PCDH10: variants seen among roughly 807,000 people sequenced by gnomAD.
PCDH10 encodes protocadherin-10.
In PCDH10, 15 loss-of-function variants were observed where a neutral mutation model predicts 74.4. That is an observed-to-expected ratio of 0.20 (90% confidence interval 0.13 to 0.31). PCDH10 has a LOEUF of 0.31. PCDH10 is among the 10% of genes least tolerant of loss of function. The pLI is 1.00. For missense variants in PCDH10, 1,260 were observed against 1,390.2 expected, an observed-to-expected ratio of 0.91 and a Z score of 1.49; for synonymous variants, 619 against 589.8, an observed-to-expected ratio of 1.05 and a Z score of -0.72.
Position 133,150,476 on chromosome 4 carries a change from G to T in PCDH10, c.336G>T (p.Val112=). 1 of 1,613,808 alleles carries T rather than the reference G, an allele frequency of 6.2e-7. No homozygotes were observed. The highest frequency in any genetic ancestry group is 8.5e-7 in the Non-Finnish European group (1 of 1,179,954). ...AGCTGTTCCAGGTGGAGATCGAGGT[G>T]CTGGACATTAATGACAACCCCCCCT... ...PLELFQVEIE[V]LDINDNPPSF... is the part of the protein sequence containing the mutation. Residue 112 remains valine (V), a synonymous_variant, in exon 1 of 5, where the codon GTG becomes GTT. Coordinates refer to ENST00000264360, the MANE Select transcript of PCDH10 (RefSeq NM_032961.3).
intron 4 of PCDH10, among the ~76,000 whole-genome samples, chr4:133,165,989 C>T (rs1046350498): frequency 6.6e-6 from 1 of 151,604 alleles, no homozygotes; most frequent in South Asian, 2.1e-4. Flanking sequence ...TAACAAAAGA[C>T]CCATGAAGAG....
intron 1 of PCDH10, chr4:133,153,236 ATTGT>A: frequency 4.8e-6 from 5 of 1,031,270 alleles, no homozygotes; most frequent in Non-Finnish European, 5.9e-6. Flanking sequence ...TAAGCTATAG[ATTGT>A]TTAACTTTAC....
At chr4:133,161,791 C>T (rs1210849096) in intron 3 of PCDH10, among the ~76,000 whole-genome samples, 1 of 151,950 alleles carries the variant, frequency 6.6e-6, no homozygotes, top group Non-Finnish European at 1.5e-5. Context: ...TCATTCCACA[C>T]CCAGCTCCAT....
intron 4 of PCDH10, among the ~76,000 whole-genome samples, chr4:133,186,964 C>T (rs1489889880): frequency 6.6e-6 from 1 of 152,114 alleles, no homozygotes; most frequent in Non-Finnish European, 1.5e-5. Context: ...GTGATCCGCT[C>T]GCCTCAACCT....
intron 4 of PCDH10, among the ~76,000 whole-genome samples, chr4:133,173,970 C>T (rs1727245695): frequency 6.6e-6 from 1 of 151,822 alleles, no homozygotes; most frequent in African/African-American, 2.4e-5. Flanking sequence ...TAATAGCTTA[C>T]ACATTAAGCT....
chr4:133,169,632 TAAATAG>T (rs1332553679), intron 4 of PCDH10, among the ~76,000 whole-genome samples: 2 of 151,920 alleles, frequency 1.3e-5, no homozygotes, highest in African/African-American at 4.8e-5. Flanking sequence ...AATTAAAATA[TAAATAG>T]AATTATTCAA....
At chr4:133,166,756 G>A (rs1470843507) in intron 4 of PCDH10, among the ~76,000 whole-genome samples, 2 of 151,464 alleles carry the variant, frequency 1.3e-5, no homozygotes, top group Admixed American at 1.3e-4. Flanking sequence ...AAAGGCGTAA[G>A]TATGTGTTAT....
intron 4 of PCDH10, chr4:133,163,753 G>A (rs1727023063): frequency 2.9e-5 from 10 of 346,020 alleles, no homozygotes; most frequent in South Asian, 2.3e-4. Context: ...CCTACGTAAT[G>A]TTTTATTTCA....
rs1159767023 is a variant in PCDH10, at chr4:133,155,015, A to G, written c.2789A>G (p.Gln930Arg). Residue 930 changes from glutamine (Q) to arginine (R), a missense_variant, in exon 3 of 5, where the codon CAG becomes CGG. By Grantham distance (43) the Gln-to-Arg change is conservative. Transcript: ENST00000264360. ...GATCATGATGCCACCAACCGTGCCC[A>G]GTCAGCTGGTAAGTGTGATCAAAGG... ...DSDHDATNRA[Q>R]SAGMDLFSNC... The G allele has an allele frequency of 3.9e-5, 62 of 1,604,458 alleles. 2 individuals carry two copies. Among genetic ancestry groups the G allele is most frequent in the Non-Finnish European group, 5.0e-5 (59 of 1,171,292 alleles).
At chr4:133,200,023 C>T (rs1053218640) in intron 2 of PCDH10, among the ~76,000 whole-genome samples, 1 of 151,394 alleles carries the variant, frequency 6.6e-6, no homozygotes, top group African/African-American at 2.4e-5. Context: ...TGGTCTCGAT[C>T]TCCTGACCTC....
rs184345881 is a variant in PCDH10 at position 133,153,099 on chromosome 4, G to A, written c.2631+328G>A. ...AAGGGAAACTGCGTGAAGGGAGAGGGAAATGTGGAGGAGGGACTTACTTTC... is the reference window on the plus strand; with the variant it reads ...AAGGGAAACTGCGTGAAGGGAGAGGAAAATGTGGAGGAGGGACTTACTTTC... On this transcript the variant is annotated intron_variant, in intron 1 of 4. Transcript: ENST00000264360. 4.5e-6 allele frequency: 6 copies of A among 1,326,106 alleles called. No homozygotes were observed. In the East Asian group the frequency reaches 1.8e-4, roughly 40 times the overall value. 82.1% of individuals were successfully genotyped at this position (1,326,106 alleles called of 1,614,324 possible).
At chr4:133,203,997 G>A (rs1358189624) in intron 2 of PCDH10, among the ~76,000 whole-genome samples, 1 of 152,164 alleles carries the variant, frequency 6.6e-6, no homozygotes, top group African/African-American at 2.4e-5. Flanking sequence ...TGGGAGAGCA[G>A]TTGCATTACC....
At chr4:133,181,502 C>T (rs1727416893) in intron 4 of PCDH10, among the ~76,000 whole-genome samples, 1 of 152,064 alleles carries the variant, frequency 6.6e-6, no homozygotes, top group Admixed American at 6.6e-5. Flanking sequence ...AAATACTTAG[C>T]ACCCAAATAT....
chr4:133,163,076 C>G lies in PCDH10; in HGVS notation c.2897C>G (p.Ala966Gly). The G allele has an allele frequency of 6.2e-7, 1 of 1,614,094 alleles. No homozygotes were observed. The highest frequency in any genetic ancestry group is 2.2e-5 in the East Asian group (1 of 44,882). ...PSFVPSDGRQ[A>G]ADYRSNLHVP... is the part of the protein sequence containing the mutation. ...TTTGTCCCTTCTGATGGACGCCAGG[C>G]TGCTGATTATCGCAGCAATCTGCAT... Residue 966 changes from alanine to glycine, a missense_variant, in exon 4 of 5, where the codon GCT (alanine) becomes GGT (glycine). Coordinates refer to ENST00000264360, the MANE Select transcript of PCDH10 (RefSeq NM_032961.3).
intron 2 of PCDH10, 61 bp downstream of exon 2, chr4:133,154,426 G>A: frequency 1.1e-6 from 1 of 900,098 alleles, no homozygotes; most frequent in Non-Finnish European, 1.7e-6. Context: ...AAAGTAGGAA[G>A]TAGGTATATT....
At chr4:133,206,955 G>T (rs1728019705) in intron 2 of PCDH10, among the ~76,000 whole-genome samples, 1 of 151,508 alleles carries the variant, frequency 6.6e-6, no homozygotes, top group African/African-American at 2.4e-5. Context: ...ATCACATTTT[G>T]GAATTCATAA....
intron 4 of PCDH10, among the ~76,000 whole-genome samples, chr4:133,168,322 G>C (rs990190798): frequency 6.6e-6 from 1 of 151,172 alleles, no homozygotes; most frequent in Admixed American, 6.6e-5. Context: ...TCAGACATCA[G>C]TACTTCCCTG....
At chr4:133,156,686 C>T (rs1366800481) in intron 3 of PCDH10, among the ~76,000 whole-genome samples, 1 of 152,176 alleles carries the variant, frequency 6.6e-6, no homozygotes. Flanking sequence ...TCTTTGGATG[C>T]ATTTTACTCC....
At chr4:133,161,484 A>C (rs1028564299) in intron 3 of PCDH10, among the ~76,000 whole-genome samples, 1 of 152,020 alleles carries the variant, frequency 6.6e-6, no homozygotes, top group Non-Finnish European at 1.5e-5. Context: ...TAACATATAC[A>C]CAAATATATA....
Sources: gnomAD v4.1 joint callset for allele counts (sites outside exome capture counted in the v4.1 genomes callset) on GRCh38, gnomAD v4.1.1 for gene constraint, MANE v1.5 for transcripts, NCBI Gene and HGNC (gene_info 2026-07-23, HGNC 2026-07-21) for gene names.